Variants in TOP1 observed in about 807,000 individuals in gnomAD.
TOP1 encodes DNA topoisomerase I, also known as DNA topoisomerase 1.
TOP1 carries 10 observed loss-of-function variants against 111.1 expected under a neutral mutation model. The observed-to-expected ratio is 0.09, with a 90% CI of 0.06 to 0.15. The LOEUF is 0.15. Among genes scored for constraint, TOP1 ranks in the 10% least tolerant of loss-of-function variants. The probability of loss-of-function intolerance (pLI) is 1.00; values close to 1 mark genes in which losing one functional copy is unlikely to be tolerated. For synonymous variants in TOP1, 271 were observed against 302.9 expected (o/e 0.89, Z 1.10); for missense variants, 474 against 926.7 (o/e 0.51, Z 6.34).
In TOP1 at chr20:41,118,375, T is replaced by A; in HGVS notation, c.1950+79T>A. 1.3e-6 allele frequency: 2 copies of A among 1,557,740 alleles called. No individual in the cohort carries two copies. Among genetic ancestry groups the A allele is most frequent in the South Asian group, 2.3e-5 (2 of 86,564 alleles). On this transcript the variant is annotated intron_variant, in intron 18 of 20. Coordinates refer to ENST00000361337, the MANE Select transcript of TOP1 (RefSeq NM_003286.4). The surrounding 1 kb of genome is among the most constrained non-coding windows in gnomAD (Gnocchi z 4.6). The stretch of plus-strand genomic sequence containing the variant: ...AATGAGAGGATTCAGGGCTGAGATA[T>A]CAGCAGGCCAGTGCTGGGTCTGTTG...
chr20:41,109,720 C>A lies in TOP1; in HGVS notation c.1309-3062C>A, dbSNP rs142852007. On this transcript the variant is annotated intron_variant, in intron 13 of 20. Transcript: ENST00000361337. The surrounding 1 kb of genome is among the most constrained non-coding windows in gnomAD (Gnocchi z 4.1). ...ATAAATAAGCAAATGAAAGAGTGCT[C>A]GACATCACTAATTATCAGTGGAGTG... is the stretch of plus-strand genomic sequence containing the variant. 6.6e-6 allele frequency among the ~76,000 whole-genome samples: 1 copy of A among 152,216 alleles called. No homozygotes were observed. Among genetic ancestry groups the A allele is most frequent in the Non-Finnish European group, 1.5e-5 (1 of 68,000 alleles).
chr20:41,101,120 T>C lies in TOP1; in HGVS notation c.1164-89T>C. 1.4e-6 allele frequency: 2 copies of C among 1,419,238 alleles called. No homozygotes were observed. The highest frequency in any genetic ancestry group is 2.5e-5 in the South Asian group (2 of 80,120). The allele number at this position is 1,419,238 out of a possible 1,614,324, so 87.9% of individuals were successfully genotyped here. A position where few individuals can be genotyped will look rare whatever the true frequency, so the allele number is the denominator to read the frequency against. The stretch of plus-strand genomic sequence containing the variant: ...GTTAAGAAGGAAACTTGGAAAATTA[T>C]GCTCAGCAGATAGGTCCACTTGGGG... On this transcript the variant is annotated intron_variant, in intron 12 of 20. Transcript: ENST00000361337. The surrounding 1 kb of genome is among the most constrained non-coding windows in gnomAD (Gnocchi z 4.1).
intron 2 of TOP1, among the ~76,000 whole-genome samples, chr20:41,054,445 TTTATAAA>T (rs1457589055): frequency 2.6e-5 from 4 of 152,238 alleles, no homozygotes; most frequent in Non-Finnish European, 5.9e-5. Flanking sequence ...ATTAAACCTC[TTTATAAA>T]TTACCCAGTC....
At chr20:41,049,925 A>T (rs1157900353) in intron 2 of TOP1, among the ~76,000 whole-genome samples, 1 of 152,220 alleles carries the variant, frequency 6.6e-6, no homozygotes, top group Non-Finnish European at 1.5e-5. Flanking sequence ...CATGACAAAA[A>T]TTCTTGTTTA....
chr20:41,105,958 TCTC>T (rs1194979363), intron 13 of TOP1, among the ~76,000 whole-genome samples: 3 of 151,972 alleles, frequency 2.0e-5, no homozygotes, highest in Non-Finnish European at 4.4e-5. Context: ...ACATCATTAC[TCTC>T]CTCCTCCCTC....
At position 41,079,012 on chromosome 20, in the gene TOP1, T is replaced by C. The variant is rs2033759475; in HGVS notation, c.336-1073T>C. Among the ~76,000 whole-genome samples the C allele has an allele frequency of 6.6e-6, 1 of 152,222 alleles. No individual in the cohort carries two copies. The highest frequency in any genetic ancestry group is 1.5e-5 in the Non-Finnish European group (1 of 68,022). ...GTAAATGATAGGCTTTCTTTCCTTC[T>C]GGACCCTAGGGTCTGTGTCAGTATT... On this transcript the variant is annotated intron_variant, in intron 5 of 20. Coordinates refer to ENST00000361337, the MANE Select transcript of TOP1 (RefSeq NM_003286.4). The surrounding 1 kb of genome is among the most constrained non-coding windows in gnomAD (Gnocchi z 4.0).
intron 13 of TOP1, among the ~76,000 whole-genome samples, chr20:41,107,765 T>C (rs1302990896): frequency 6.6e-6 from 1 of 152,226 alleles, no homozygotes; most frequent in African/African-American, 2.4e-5. Context: ...TTGTAAGCCC[T>C]TTTAACTGGG....
intron 2 of TOP1, among the ~76,000 whole-genome samples, chr20:41,047,910 C>T (rs923495583): frequency 2.6e-5 from 4 of 152,074 alleles, no homozygotes; most frequent in African/African-American, 7.2e-5. Flanking sequence ...GTCCAGACAA[C>T]GAAGAAAACT....
At position 41,121,841 on chromosome 20, in the gene TOP1, C is replaced by G; in HGVS notation, c.2045+51C>G. Reference sequence around the variant, plus strand: ...GGGGCTGGTAGAGAAAAGTGTGCAGCATCTGTCAGGGCCCCTGGGGCCCTG... The same window carrying G: ...GGGGCTGGTAGAGAAAAGTGTGCAGGATCTGTCAGGGCCCCTGGGGCCCTG... On this transcript the variant is annotated intron_variant, in intron 19 of 20. Transcript: ENST00000361337. The surrounding 1 kb of genome is among the most constrained non-coding windows in gnomAD (Gnocchi z 4.2). 4 of 1,584,458 alleles carry G rather than the reference C, an allele frequency of 2.5e-6. No homozygotes were observed. Among genetic ancestry groups the G allele is most frequent in the Non-Finnish European group, 3.5e-6 (4 of 1,153,100 alleles).
intron 2 of TOP1, among the ~76,000 whole-genome samples, chr20:41,042,865 G>T (rs1217293962): frequency 6.6e-6 from 1 of 152,174 alleles, no homozygotes; most frequent in East Asian, 1.9e-4. Flanking sequence ...GAAATATTAA[G>T]AAAATTGTAA....
chr20:41,057,701 G>T (rs1179049482), intron 2 of TOP1, among the ~76,000 whole-genome samples: 2 of 152,044 alleles, frequency 1.3e-5, no homozygotes, highest in Non-Finnish European at 2.9e-5. Context: ...TTCTTCATAT[G>T]TATTTATGCG....
At chr20:41,108,768 ACT>A (rs1310380912) in intron 13 of TOP1, among the ~76,000 whole-genome samples, 2 of 152,094 alleles carry the variant, frequency 1.3e-5, no homozygotes, top group Admixed American at 6.6e-5. Context: ...AACCAAAGAA[ACT>A]CTGATTCCAG....
At chr20:41,031,292 T>C (rs1381986275) in intron 2 of TOP1, among the ~76,000 whole-genome samples, 1 of 152,204 alleles carries the variant, frequency 6.6e-6, no homozygotes, top group Non-Finnish European at 1.5e-5. Context: ...TAAGAAGTCC[T>C]TTTGACCTTG....
rs546184891 is a variant in TOP1, at chr20:41,112,466, A to G, written c.1309-316A>G. On this transcript the variant is annotated intron_variant, in intron 13 of 20. Coordinates refer to ENST00000361337, the MANE Select transcript of TOP1 (RefSeq NM_003286.4). This position sits in a 1 kb window ranked among gnomAD's most constrained non-coding sequence, Gnocchi z 5.8. ...TAGAAGTCAGTTGTGCTTGGCAGTG[A>G]GATGGGACAATGTGCATTCTTAACA... is the stretch of plus-strand genomic sequence containing the variant. Among the ~76,000 whole-genome samples, 2 of 152,346 alleles carry G rather than the reference A, an allele frequency of 1.3e-5. No homozygotes were observed. Among genetic ancestry groups the G allele is most frequent in the South Asian group, 4.1e-4 (2 of 4,826 alleles).
intron 2 of TOP1, among the ~76,000 whole-genome samples, chr20:41,040,509 T>A (rs1203183935): frequency 6.6e-6 from 1 of 152,150 alleles, no homozygotes; most frequent in Non-Finnish European, 1.5e-5. Context: ...AATTTGTTAG[T>A]CTTTATAACT....
intron 2 of TOP1, among the ~76,000 whole-genome samples, chr20:41,051,630 A>G (rs538807314): frequency 2.0e-5 from 3 of 152,316 alleles, no homozygotes; most frequent in Admixed American, 2.0e-4. Flanking sequence ...TGCCTTCCTT[A>G]AAACCTGTAA....
At position 41,029,138 on chromosome 20, in the gene TOP1, G is replaced by A. The variant is rs767804972; in HGVS notation, c.33+38G>A. ...CTGACCCTGGCGGCCCCGGACCCCG[G>A]CCTGGCCGTCCCGCGACCCCCGGCG... is the stretch of plus-strand genomic sequence containing the variant. On this transcript the variant is annotated intron_variant, in intron 1 of 20. Transcript: ENST00000361337. The surrounding 1 kb of genome is among the most constrained non-coding windows in gnomAD (Gnocchi z 6.1). 1 of 1,435,258 alleles carries A rather than the reference G, an allele frequency of 7.0e-7. No individual in the cohort carries two copies. Among genetic ancestry groups the A allele is most frequent in the South Asian group, 1.4e-5 (1 of 71,782 alleles). 88.9% of individuals were successfully genotyped at this position (1,435,258 alleles called of 1,614,324 possible).
chr20:41,028,826 T>G lies in TOP1; in HGVS notation c.-242T>G, dbSNP rs1427433778. On this transcript the variant is annotated 5_prime_UTR_variant, in exon 1 of 21. The change abolishes an upstream ATG in the 5' untranslated region. Transcript: ENST00000361337. The stretch of plus-strand genomic sequence containing the variant: ...GCCGCGCAGGCGCAGTGAGCCCAAA[T>G]GCGAACTTAGGCTGTTACACAACTG... 1.9e-6 allele frequency: 1 copy of G among 517,148 alleles called. No individual in the cohort carries two copies. The highest frequency in any genetic ancestry group is 3.4e-6 in the Non-Finnish European group (1 of 293,416). 32.0% of individuals were successfully genotyped at this position (517,148 alleles called of 1,614,324 possible).
At position 41,121,470 on chromosome 20, in the gene TOP1, GC is replaced by G. The variant is rs1245440953; in HGVS notation, c.1951-223del. ...CCTTTCCCTGAGCCCCTAGGTTACT[GC>G]CCTGTAAAACCCTTGTTTCTTTCCA... On this transcript the variant is annotated intron_variant, in intron 18 of 20. Transcript: ENST00000361337. This position sits in a 1 kb window ranked among gnomAD's most constrained non-coding sequence, Gnocchi z 4.2. 1.3e-5 allele frequency among the ~76,000 whole-genome samples: 2 copies of G among 152,158 alleles called. No individual in the cohort carries two copies. The highest frequency in any genetic ancestry group is 2.9e-5 in the Non-Finnish European group (2 of 68,008).
Sources: gnomAD v4.1 joint callset for allele counts (sites outside exome capture counted in the v4.1 genomes callset) on GRCh38, gnomAD v4.1.1 for gene constraint, Gnocchi (gnomAD v3.1) non-coding constraint, MANE v1.5 for transcripts, NCBI Gene and HGNC (gene_info 2026-07-23, HGNC 2026-07-21) for gene names.